The following STAB2 variants were observed in gnomAD, a reference collection of about 807,000 sequenced individuals.
The protein encoded by STAB2 is stabilin-2.
Under a neutral mutation model 338.1 loss-of-function variants are expected in STAB2, and 288 were observed. The ratio of observed to expected loss-of-function variants is 0.85; its 90% CI spans 0.77 to 0.94. The LOEUF (loss-of-function observed/expected upper bound fraction) is 0.94. STAB2 is among the 40% of genes least tolerant of loss of function. The pLI is 0.00. For synonymous variants in STAB2, 1,202 were observed against 1,193.3 expected (o/e 1.01, Z -0.15); for missense variants, 3,141 against 3,210.1 (o/e 0.98, Z 0.52).
chr12:103,652,622 C>A lies in STAB2; in HGVS notation c.1324C>A (p.Gln442Lys). 1.9e-6 allele frequency: 3 copies of A among 1,610,686 alleles called. No individual in the cohort carries two copies. The South Asian group carries it at 3.3e-5, about 18-fold the overall frequency. The change falls in exon 12 of 69, where the codon CAG becomes AAG. Residue 442 changes from glutamine (Q) to lysine (K), a missense_variant. Gln to Lys is a moderately conservative substitution (Grantham distance 53). Transcript: ENST00000388887. ...YFVKLHIIAG[Q>K]MNIEYMNNTD... ...TGTGAAACTCCACATAATTGCTGGTCAGATGAACATCGAATATATGAATAA... is the reference window on the plus strand; with the variant it reads ...TGTGAAACTCCACATAATTGCTGGTAAGATGAACATCGAATATATGAATAA...
Position 103,726,357 on chromosome 12 carries a change from T to C in STAB2, c.4851+194T>C, listed in dbSNP as rs140258372. Among the ~76,000 whole-genome samples the C allele has an allele frequency of 2.0e-3, 307 of 152,292 alleles. 1 individual carries two copies. The highest frequency in any genetic ancestry group is 7.2e-3 in the African/African-American group (299 of 41,556). On this transcript the variant is annotated intron_variant, in intron 46 of 68. Transcript: ENST00000388887. ...TACAAAAAAGATTAGCTGGGCATGG[T>C]GGCGCAGGCCTGTAGTCCCAGCTAC...
chr12:103,721,220 A>G (rs1880736572), intron 44 of STAB2, among the ~76,000 whole-genome samples: 1 of 152,204 alleles, frequency 6.6e-6, no homozygotes, highest in African/African-American at 2.4e-5. Flanking sequence ...TGAGAGGGGA[A>G]GGGTCGTAGT....
At chr12:103,706,321 G>A (rs780678799) in intron 37 of STAB2, among the ~76,000 whole-genome samples, 2 of 152,098 alleles carry the variant, frequency 1.3e-5, no homozygotes, top group Non-Finnish European at 2.9e-5. Context: ...GACACCCTAC[G>A]GGGCTTCCCT....
chr12:103,706,661 C>A, intron 37 of STAB2, 131 bp from the exon 38 acceptor site: 1 of 1,233,850 alleles, frequency 8.1e-7, no homozygotes. Flanking sequence ...CCTGCCCCCA[C>A]CCCTCACCCA....
At position 103,662,982 on chromosome 12, in the gene STAB2, A is replaced by G. The variant is rs201725263; in HGVS notation, c.2006A>G (p.Lys669Arg). ...CTGCCCCATCGATGTGATGAAACAA[A>G]GAGAGAGATGAAACTGGTAAGAAAA... Reference protein sequence around the residue: ...PILPHRCDETKREMKLGTCVS... With the variant: ...PILPHRCDETRREMKLGTCVS... Residue 669 changes from lysine (K) to arginine (R), a missense_variant, in exon 18 of 69, where the codon AAG becomes AGG. Lys to Arg is a conservative substitution (Grantham distance 26). Coordinates refer to ENST00000388887, the MANE Select transcript of STAB2 (RefSeq NM_017564.10). The G allele has an allele frequency of 6.2e-7, 1 of 1,614,116 alleles. No homozygotes were observed. The highest frequency in any genetic ancestry group is 1.7e-5 in the Admixed American group (1 of 60,030).
At chr12:103,707,018 G>A in intron 38 of STAB2, 31 bp downstream of exon 38, 2 of 1,607,758 alleles carry the variant, frequency 1.2e-6, no homozygotes, top group African/African-American at 2.7e-5. Context: ...AGAGGATCTT[G>A]GGCTGCTGAA....
chr12:103,752,239 C>T lies in STAB2; in HGVS notation c.6581-981C>T, dbSNP rs534075271. Among the ~76,000 whole-genome samples, 6 of 152,256 alleles carry T rather than the reference C, an allele frequency of 3.9e-5. No homozygotes were observed. In the East Asian group the frequency reaches 9.6e-4, roughly 24 times the overall value. ...TAAAATATATTGATATACATCTACT[C>T]AAATTCATTGTAAGGTATTTTGTTG... On this transcript the variant is annotated intron_variant, in intron 60 of 68. Coordinates refer to ENST00000388887, the MANE Select transcript of STAB2 (RefSeq NM_017564.10).
chr12:103,730,033 C>T, intron 48 of STAB2, 83 bp from the exon 49 acceptor site: 1 of 1,351,558 alleles, frequency 7.4e-7, no homozygotes, highest in Non-Finnish European at 9.9e-7. Flanking sequence ...TAATTTGACA[C>T]ATTGGTAAAG....
chr12:103,708,415 G>T, intron 38 of STAB2, 26 bp from the exon 39 acceptor site: 1 of 1,610,206 alleles, frequency 6.2e-7, no homozygotes, highest in Non-Finnish European at 8.5e-7. Flanking sequence ...AGAATCTGAC[G>T]ATTTGCAGGT....
intron 31 of STAB2, among the ~76,000 whole-genome samples, chr12:103,693,717 A>AT (rs1395674409): frequency 2.6e-5 from 4 of 152,218 alleles, no homozygotes; most frequent in African/African-American, 9.6e-5. Flanking sequence ...GAGAAATGGG[A>AT]TTGTAAGCTA....
At chr12:103,619,480 A>T (rs77282061) in intron 3 of STAB2, among the ~76,000 whole-genome samples, 1 of 152,074 alleles carries the variant, frequency 6.6e-6, no homozygotes, top group Non-Finnish European at 1.5e-5. Context: ...GATTGTGGGC[A>T]TTGTAATTTC....
rs1387591342 is a variant in STAB2 at position 103,750,598 on chromosome 12, G to A, written c.6458G>A (p.Cys2153Tyr). 1.2e-6 allele frequency: 2 copies of A among 1,614,168 alleles called. No homozygotes were observed. The highest frequency in any genetic ancestry group is 1.7e-6 in the Non-Finnish European group (2 of 1,179,994). ...CCACAGGGCAAGCACAAGTGTGAGT[G>A]TAAAAGTCACTATGTCGGAGATGGG... ...MTGPGKHKCECKSHYVGDGLN... is the reference protein window; with the variant it reads ...MTGPGKHKCEYKSHYVGDGLN... The change falls in exon 60 of 69, where the codon TGT becomes TAT. Residue 2153 changes from cysteine (C) to tyrosine (Y), a missense_variant. Cys to Tyr is a radical substitution (Grantham distance 194). Coordinates refer to ENST00000388887, the MANE Select transcript of STAB2 (RefSeq NM_017564.10).
At chr12:103,763,672 G>A (rs999997457) in intron 68 of STAB2, 64 bp downstream of exon 68, 46 of 1,405,890 alleles carry the variant, frequency 3.3e-5, no homozygotes, top group Non-Finnish European at 4.5e-5. Context: ...TGTCTTTTAG[G>A]AAATTTCAGT....
At position 103,763,473 on chromosome 12, in the gene STAB2, T is replaced by A; in HGVS notation, c.7489-19T>A. ...GCTTTGGGGATGCTCCTGGCTTTCA[T>A]GCTTGTCTTTCCAAACAGTCGGAAG... On this transcript the variant is annotated intron_variant, in intron 67 of 68. Transcript: ENST00000388887. 6.2e-7 allele frequency: 1 copy of A among 1,612,650 alleles called. No homozygotes were observed. The highest frequency in any genetic ancestry group is 8.5e-7 in the Non-Finnish European group (1 of 1,178,860).
intron 67 of STAB2, among the ~76,000 whole-genome samples, chr12:103,762,950 T>C (rs1359006551): frequency 1.3e-5 from 2 of 152,200 alleles, no homozygotes. Flanking sequence ...TGAGCATCTT[T>C]CCTTATGGAC....
chr12:103,699,329 TG>T, intron 34 of STAB2, 102 bp downstream of exon 34: 1 of 1,410,868 alleles, frequency 7.1e-7, no homozygotes. Context: ...TCATCACTTC[TG>T]TATTAGTCAG....
At chr12:103,766,113 C>T (rs537296078) in intron 68 of STAB2, 173 bp from the exon 69 acceptor site, 258 of 869,070 alleles carry the variant, frequency 3.0e-4, no homozygotes, top group Non-Finnish European at 3.5e-4. Context: ...TGGCCCTACC[C>T]CCAGCCCATC....
intron 9 of STAB2, among the ~76,000 whole-genome samples, chr12:103,648,324 T>C (rs1399834255): frequency 6.6e-6 from 1 of 152,184 alleles, no homozygotes; most frequent in Non-Finnish European, 1.5e-5. Context: ...CTGAATTCAG[T>C]AGCTTATTCT....
At chr12:103,741,253 A>AT (rs1882561814) in intron 55 of STAB2, among the ~76,000 whole-genome samples, 1 of 152,156 alleles carries the variant, frequency 6.6e-6, no homozygotes, top group South Asian at 2.1e-4. Context: ...ATTTGGGCCC[A>AT]TTCTGAAACC....
Sources: gnomAD v4.1 joint callset for allele counts (sites outside exome capture counted in the v4.1 genomes callset) on GRCh38, gnomAD v4.1.1 for gene constraint, MANE v1.5 for transcripts, NCBI Gene and HGNC (gene_info 2026-07-23, HGNC 2026-07-21) for gene names.